SLC35G5: variants seen among roughly 807,000 people sequenced by gnomAD.
SLC35G5 encodes acyl-malonyl condensing enzyme 1-like 2.
Under a neutral mutation model 17.6 loss-of-function variants are expected in SLC35G5, and 14 were observed. The observed-to-expected ratio is 0.79, with a 90% CI of 0.52 to 1.24. The LOEUF is 1.24. Ranked by LOEUF, SLC35G5 falls within the 50% of genes most tolerant of loss-of-function variation. The pLI is 0.00. For missense variants in SLC35G5, 541 were observed against 430.3 expected (o/e 1.26, Z -2.28); for synonymous variants, 236 against 194.9 (o/e 1.21, Z -1.76).
rs958944873 is a variant in SLC35G5 at position 11,331,640 on chromosome 8, G to A, written c.534G>A (p.Trp178Ter). The A allele has an allele frequency of 1.2e-6, 2 of 1,612,136 alleles. No homozygotes were observed. Among genetic ancestry groups the A allele is most frequent in the South Asian group, 1.1e-5 (1 of 90,962 alleles). ...TCATCATTCTGGGACCTGGACTCTG[G>A]ACACTACAGGAGGGGACCACAGGTG... The part of the protein sequence containing the change: ...GLIIILGPGL[W>*]TLQEGTTGVY... The change falls in exon 1 of 1, where the codon TGG becomes TGA. Residue 178 changes from tryptophan (W) to a stop codon, truncating the protein, a stop_gained. Transcript: ENST00000382435. LOFTEE classifies it high-confidence loss of function.
chr8:11,331,937 C>A lies in SLC35G5; in HGVS notation c.831C>A (p.Ala277=), dbSNP rs1321990907. ...GTGTGGGCTATGCGGTCACCAAGGC[C>A]CACCCTGCCCTGGTGTGCGCTGTCC... The part of the protein sequence containing the change: ...FTCVGYAVTK[A]HPALVCAVLH... Residue 277 remains alanine (A), a synonymous_variant, in exon 1 of 1, where the codon GCC becomes GCA. Coordinates refer to ENST00000382435, the MANE Select transcript of SLC35G5 (RefSeq NM_054028.2). The A allele has an allele frequency of 6.2e-7, 1 of 1,611,892 alleles. No homozygotes were observed. Among genetic ancestry groups the A allele is most frequent in the African/African-American group, 1.3e-5 (1 of 74,858 alleles).
chr8:11,331,242 G>A lies in SLC35G5; in HGVS notation c.136G>A (p.Gly46Ser), dbSNP rs1449309346. The change falls in exon 1 of 1, where the codon GGT becomes AGT. Residue 46 changes from glycine to serine, a missense_variant. Transcript: ENST00000382435. ...CAATGGCCTGCTGGTGGCCCTGCTG[G>A]GTGGGGGCCTGCCTGCTGGCTTCGT... The part of the protein sequence containing the change: ...ATNGLLVALL[G>S]GGLPAGFVGP... 1 of 1,613,858 alleles carries A rather than the reference G, an allele frequency of 6.2e-7. No individual in the cohort carries two copies. The highest frequency in any genetic ancestry group is 2.2e-5 in the East Asian group (1 of 44,868).
rs774131790 is a variant in SLC35G5, at chr8:11,331,499, C to A, written c.393C>A (p.Ala131=). 1.9e-6 allele frequency: 3 copies of A among 1,613,794 alleles called. No homozygotes were observed. Among genetic ancestry groups the A allele is most frequent in the South Asian group, 2.2e-5 (2 of 91,072 alleles). Residue 131 remains alanine, a synonymous_variant, in exon 1 of 1, where the codon GCC becomes GCA. Coordinates refer to ENST00000382435, the MANE Select transcript of SLC35G5 (RefSeq NM_054028.2). ...AGGTGGTGCCCGCTGGCAACGCTGC[C>A]ACTGTTCGCAAAGGTTCTTCCACCG... The part of the protein sequence containing the change: ...AVQVVPAGNA[A]TVRKGSSTVC...
chr8:11,331,958 T>A lies in SLC35G5; in HGVS notation c.852T>A (p.Ala284=). The A allele has an allele frequency of 6.2e-7, 1 of 1,612,042 alleles. No individual in the cohort carries two copies. Among genetic ancestry groups the A allele is most frequent in the Non-Finnish European group, 8.5e-7 (1 of 1,179,858 alleles). The part of the protein sequence containing the change: ...VTKAHPALVC[A]VLHSEVVVAL... ...AGGCCCACCCTGCCCTGGTGTGCGC[T>A]GTCCTGCATTCCGAGGTGGTTGTGG... Residue 284 remains alanine, a synonymous_variant, in exon 1 of 1, where the codon GCT becomes GCA. Coordinates refer to ENST00000382435, the MANE Select transcript of SLC35G5 (RefSeq NM_054028.2).
At position 11,331,033 on chromosome 8, in the gene SLC35G5, G is replaced by A. The variant is rs1368972866; in HGVS notation, c.-74G>A. On this transcript the variant is annotated 5_prime_UTR_variant, in exon 1 of 1. It removes an upstream start codon present in the reference 5' UTR. Coordinates refer to ENST00000382435, the MANE Select transcript of SLC35G5 (RefSeq NM_054028.2). ...GGAAGAACCCCACCCGCACTCCAAT[G>A]AGGTCACAATGGCTGGAGCTCTGAG... is the stretch of plus-strand genomic sequence containing the variant. 2.0e-6 allele frequency: 3 copies of A among 1,523,284 alleles called. No individual in the cohort carries two copies. Among genetic ancestry groups the A allele is most frequent in the Non-Finnish European group, 1.8e-6 (2 of 1,140,912 alleles). 94.4% of individuals were successfully genotyped at this position (1,523,284 alleles called of 1,614,324 possible). A position where few individuals can be genotyped will look rare whatever the true frequency, so the allele number is the denominator to read the frequency against.
rs772343710 is a variant in SLC35G5 at position 11,331,340 on chromosome 8, C to T, written c.234C>T (p.Leu78=). ...TGGAGCTGCTCATCTGTCGATGCCT[C>T]TTCCACCTCCCTATTGCCCTGCTAC... The part of the protein sequence containing the change: ...PSLELLICRC[L]FHLPIALLLK... Residue 78 remains leucine, a synonymous_variant, in exon 1 of 1, where the codon CTC becomes CTT. Coordinates refer to ENST00000382435, the MANE Select transcript of SLC35G5 (RefSeq NM_054028.2). 8 of 1,613,998 alleles carry T rather than the reference C, an allele frequency of 5.0e-6. No homozygotes were observed. The highest frequency in any genetic ancestry group is 1.1e-5 in the South Asian group (1 of 91,080).
rs568560257 is a variant in SLC35G5, at chr8:11,331,812, C to T, written c.706C>T (p.Pro236Ser). Residue 236 changes from proline (P) to serine (S), a missense_variant, in exon 1 of 1, where the codon CCA (proline) becomes TCA (serine). Physicochemically the swap from Pro to Ser is moderately conservative, Grantham distance 74. Coordinates refer to ENST00000382435, the MANE Select transcript of SLC35G5 (RefSeq NM_054028.2). ...CTTGGTGGGGCTGCTGGGCTGTGTG[C>T]CAGGCCTCTTTGTGCTGCAGACCCC... Reference protein sequence around the residue: ...SGLVGLLGCVPGLFVLQTPVL... With the variant: ...SGLVGLLGCVSGLFVLQTPVL... 1 of 1,611,922 alleles carries T rather than the reference C, an allele frequency of 6.2e-7. No homozygotes were observed. The highest frequency in any genetic ancestry group is 1.3e-5 in the African/African-American group (1 of 74,952).
At position 11,331,398 on chromosome 8, in the gene SLC35G5, C is replaced by G. The variant is rs765023284; in HGVS notation, c.292C>G (p.Pro98Ala). ...KLRGDPLLGP[P>A]DIRGWACFCA... is the part of the protein sequence containing the mutation. ...GCGTGGCGACCCCCTTCTGGGACCTCCTGACATCCGAGGCTGGGCCTGCTT... is the reference window on the plus strand; with the variant it reads ...GCGTGGCGACCCCCTTCTGGGACCTGCTGACATCCGAGGCTGGGCCTGCTT... Residue 98 changes from proline to alanine, a missense_variant, in exon 1 of 1, where the codon CCT (proline) becomes GCT (alanine). Coordinates refer to ENST00000382435, the MANE Select transcript of SLC35G5 (RefSeq NM_054028.2). 3.2e-5 allele frequency: 52 copies of G among 1,613,858 alleles called. No individual in the cohort carries two copies. Among genetic ancestry groups the G allele is most frequent in the Non-Finnish European group, 3.1e-5 (36 of 1,179,822 alleles).
Position 11,331,877 on chromosome 8 carries a change from G to A in SLC35G5, c.771G>A (p.Gly257=). 1 of 1,612,018 alleles carries A rather than the reference G, an allele frequency of 6.2e-7. No homozygotes were observed. The highest frequency in any genetic ancestry group is 8.5e-7 in the Non-Finnish European group (1 of 1,179,856). Residue 257 remains glycine, a synonymous_variant, in exon 1 of 1, where the codon GGG becomes GGA. Coordinates refer to ENST00000382435, the MANE Select transcript of SLC35G5 (RefSeq NM_054028.2). ...PSDLLSWSCV[G]AEGILALVSF... is the part of the protein sequence containing the mutation. Reference sequence around the variant, plus strand: ...ACCTCCTGAGTTGGAGTTGTGTGGGGGCAGAGGGGATCCTCGCCTTGGTCT... The same window carrying A: ...ACCTCCTGAGTTGGAGTTGTGTGGGAGCAGAGGGGATCCTCGCCTTGGTCT...
chr8:11,332,253 A>G lies in SLC35G5; in HGVS notation c.*130A>G, dbSNP rs1172227488. 2.2e-6 allele frequency: 3 copies of G among 1,371,012 alleles called. No individual in the cohort carries two copies. The highest frequency in any genetic ancestry group is 2.5e-5 in the East Asian group (1 of 39,776). The allele number at this position is 1,371,012 out of a possible 1,614,324, so 84.9% of individuals were successfully genotyped here. A position where few individuals can be genotyped will look rare whatever the true frequency, so the allele number is the denominator to read the frequency against. ...AGGAAAGAGTGAAAGTCTAACTTCC[A>G]TAGCACATTATAATATTGAGATGTT... On this transcript the variant is annotated 3_prime_UTR_variant, in exon 1 of 1. Coordinates refer to ENST00000382435, the MANE Select transcript of SLC35G5 (RefSeq NM_054028.2).
Position 11,332,328 on chromosome 8 carries a change from C to G in SLC35G5, c.*205C>G. The G allele has an allele frequency of 1.1e-6, 1 of 923,226 alleles. No homozygotes were observed. 57.2% of individuals were successfully genotyped at this position (923,226 alleles called of 1,614,324 possible). A position where few individuals can be genotyped will look rare whatever the true frequency, so the allele number is the denominator to read the frequency against. On this transcript the variant is annotated 3_prime_UTR_variant, in exon 1 of 1. Transcript: ENST00000382435. ...GCATGCAAACAAATGAGAAATCTGG[C>G]TTATTTACAGGAATAAAATTAATTG...
Position 11,331,566 on chromosome 8 carries a change from C to A in SLC35G5, c.460C>A (p.Leu154Ile). The change falls in exon 1 of 1, where the codon CTC becomes ATC. Residue 154 changes from leucine to isoleucine, a missense_variant. Leu to Ile is a conservative substitution (Grantham distance 5). Transcript: ENST00000382435. ...VLTLCLESQG[L>I]GGYEWCGLLG... ...CACCCTCTGCCTTGAGAGCCAGGGT[C>A]TCGGTGGCTACGAGTGGTGTGGACT... 10 of 1,613,928 alleles carry A rather than the reference C, an allele frequency of 6.2e-6. No homozygotes were observed. Among genetic ancestry groups the A allele is most frequent in the Non-Finnish European group, 8.5e-6 (10 of 1,179,866 alleles).
rs1417170174 is a variant in SLC35G5, at chr8:11,331,825, T to G, written c.719T>G (p.Val240Gly). 6.2e-7 allele frequency: 1 copy of G among 1,611,782 alleles called. No homozygotes were observed. The highest frequency in any genetic ancestry group is 1.3e-5 in the African/African-American group (1 of 74,832). ...GLLGCVPGLF[V>G]LQTPVLPSDL... is the part of the protein sequence containing the mutation. ...CTGGGCTGTGTGCCAGGCCTCTTTG[T>G]GCTGCAGACCCCCGTGTTGCCCAGT... Residue 240 changes from valine (V) to glycine (G), a missense_variant, in exon 1 of 1, where the codon GTG becomes GGG. Val to Gly is a moderately radical substitution (Grantham distance 109). Transcript: ENST00000382435.
rs1252903392 is a variant in SLC35G5 at position 11,331,095 on chromosome 8, G to A, written c.-12G>A. 1 of 1,582,048 alleles carries A rather than the reference G, an allele frequency of 6.3e-7. No homozygotes were observed. The highest frequency in any genetic ancestry group is 1.3e-5 in the African/African-American group (1 of 74,184). On this transcript the variant is annotated 5_prime_UTR_variant, in exon 1 of 1. Coordinates refer to ENST00000382435, the MANE Select transcript of SLC35G5 (RefSeq NM_054028.2). ...CCCTGAGCCAGGAGGAGAGGAGAAAGTCCAAGGAAAGATGGCTGGCAGTCA... is the reference window on the plus strand; with the variant it reads ...CCCTGAGCCAGGAGGAGAGGAGAAAATCCAAGGAAAGATGGCTGGCAGTCA...
In SLC35G5 at chr8:11,331,956, G is replaced by A. The variant is rs200031734; in HGVS notation, c.850G>A (p.Ala284Thr). ...VTKAHPALVC[A>T]VLHSEVVVAL... ...CAAGGCCCACCCTGCCCTGGTGTGC[G>A]CTGTCCTGCATTCCGAGGTGGTTGT... The change falls in exon 1 of 1, where the codon GCT becomes ACT. Residue 284 changes from alanine (A) to threonine (T), a missense_variant. Coordinates refer to ENST00000382435, the MANE Select transcript of SLC35G5 (RefSeq NM_054028.2). The A allele has an allele frequency of 1.4e-4, 227 of 1,611,830 alleles. No individual in the cohort carries two copies. Among genetic ancestry groups the A allele is most frequent in the Non-Finnish European group, 1.8e-4 (214 of 1,179,810 alleles).
Position 11,331,372 on chromosome 8 carries a change from T to A in SLC35G5, c.266T>A (p.Leu89Gln), listed in dbSNP as rs752402456. ...FHLPIALLLK[L>Q]RGDPLLGPPD... is the part of the protein sequence containing the mutation. ...CTCCCTATTGCCCTGCTACTTAAACTGCGTGGCGACCCCCTTCTGGGACCT... is the reference window on the plus strand; with the variant it reads ...CTCCCTATTGCCCTGCTACTTAAACAGCGTGGCGACCCCCTTCTGGGACCT... Residue 89 changes from leucine to glutamine, a missense_variant, in exon 1 of 1, where the codon CTG becomes CAG. Transcript: ENST00000382435. 6.8e-6 allele frequency: 11 copies of A among 1,613,906 alleles called. No individual in the cohort carries two copies. The highest frequency in any genetic ancestry group is 9.3e-6 in the Non-Finnish European group (11 of 1,179,872).
At position 11,331,199 on chromosome 8, in the gene SLC35G5, C is replaced by G. The variant is rs1463524739; in HGVS notation, c.93C>G (p.Cys31Trp). The stretch of plus-strand genomic sequence containing the variant: ...CCAGCCTCCGCTGGCACCAGCGCTG[C>G]CAGCCCTCTGGTGCCACCAATGGCC... The part of the protein sequence containing the change: ...APPSLRWHQR[C>W]QPSGATNGLL... Residue 31 changes from cysteine (C) to tryptophan (W), a missense_variant, in exon 1 of 1, where the codon TGC becomes TGG. By Grantham distance (215) the Cys-to-Trp change is radical. Transcript: ENST00000382435. 1 of 1,613,892 alleles carries G rather than the reference C, an allele frequency of 6.2e-7. No homozygotes were observed. The highest frequency in any genetic ancestry group is 2.2e-5 in the East Asian group (1 of 44,874).
chr8:11,331,926 G>A lies in SLC35G5; in HGVS notation c.820G>A (p.Val274Ile), dbSNP rs1801249233. ...CTCCTTCACATGTGTGGGCTATGCG[G>A]TCACCAAGGCCCACCCTGCCCTGGT... is the stretch of plus-strand genomic sequence containing the variant. ...LVSFTCVGYAVTKAHPALVCA... is the reference protein window; with the variant it reads ...LVSFTCVGYAITKAHPALVCA... The change falls in exon 1 of 1, where the codon GTC becomes ATC. Residue 274 changes from valine (V) to isoleucine (I), a missense_variant. By Grantham distance (29) the Val-to-Ile change is conservative. Coordinates refer to ENST00000382435, the MANE Select transcript of SLC35G5 (RefSeq NM_054028.2). 7 of 1,612,002 alleles carry A rather than the reference G, an allele frequency of 4.3e-6. No homozygotes were observed. Among genetic ancestry groups the A allele is most frequent in the Non-Finnish European group, 5.9e-6 (7 of 1,179,866 alleles).
chr8:11,332,315 A>C lies in SLC35G5; in HGVS notation c.*192A>C. The C allele has an allele frequency of 6.9e-6, 7 of 1,011,602 alleles. No homozygotes were observed. The highest frequency in any genetic ancestry group is 2.9e-5 in the East Asian group (1 of 34,420). The allele number at this position is 1,011,602 out of a possible 1,614,324, so 62.7% of individuals were successfully genotyped here. A position where few individuals can be genotyped will look rare whatever the true frequency, so the allele number is the denominator to read the frequency against. The stretch of plus-strand genomic sequence containing the variant: ...AAAATATCACAAAGCATGCAAACAA[A>C]TGAGAAATCTGGCTTATTTACAGGA... On this transcript the variant is annotated 3_prime_UTR_variant, in exon 1 of 1. Transcript: ENST00000382435.
Sources: gnomAD v4.1 joint callset for allele counts on GRCh38, gnomAD v4.1.1 for gene constraint, MANE v1.5 for transcripts, NCBI Gene and HGNC (gene_info 2026-07-23, HGNC 2026-07-21) for gene names.